Variants in TFAP2B observed in about 807,000 individuals in gnomAD.
TFAP2B encodes the protein transcription factor AP-2-beta.
Under a neutral mutation model 44.3 loss-of-function variants are expected in TFAP2B, and 9 were observed. That is an observed-to-expected ratio of 0.20 (90% CI 0.12 to 0.35). TFAP2B has a LOEUF of 0.35. Ranked by LOEUF, TFAP2B falls within the 10% of genes least tolerant of loss-of-function variation. The pLI is 1.00. For synonymous variants in TFAP2B, 270 were observed against 263.8 expected (o/e 1.02, Z -0.23); for missense variants, 509 against 600.0 (o/e 0.85, Z 1.59).
At chr6:50,825,495 C>G (rs1028394410) in intron 2 of TFAP2B, among the ~76,000 whole-genome samples, 22 of 151,952 alleles carry the variant, frequency 1.4e-4, no homozygotes, top group Non-Finnish European at 1.6e-4. Flanking sequence ...AAATTTTTCC[C>G]CCAAAAGAAG....
rs895726700 is a variant in TFAP2B at position 50,823,589 on chromosome 6, C to A, written c.264C>A (p.His88Gln). 4.3e-6 allele frequency: 7 copies of A among 1,613,964 alleles called. No homozygotes were observed. The African/African-American group carries it at 9.3e-5, about 22-fold the overall frequency. ...ACCAGAGCCAGGACCCCTACTCCCACGTCAACGACCCCTACTCCCTGAACC... is the reference window on the plus strand; with the variant it reads ...ACCAGAGCCAGGACCCCTACTCCCAAGTCAACGACCCCTACTCCCTGAACC... ...PYHQSQDPYS[H>Q]VNDPYSLNPL... is the part of the protein sequence containing the mutation. The change falls in exon 2 of 7, where the codon CAC becomes CAA. Residue 88 changes from histidine (H) to glutamine (Q), a missense_variant. Physicochemically the swap from His to Gln is conservative, Grantham distance 24. Transcript: ENST00000393655.
Position 50,820,522 on chromosome 6 carries a change from C to T in TFAP2B, c.81+1550C>T, listed in dbSNP as rs373155653. 1.9e-3 allele frequency among the ~76,000 whole-genome samples: 296 copies of T among 152,338 alleles called. 4 individuals are homozygous for T. Among genetic ancestry groups the T allele is most frequent in the East Asian group, 4.6e-3 (24 of 5,164 alleles). On this transcript the variant is annotated intron_variant, in intron 1 of 6. Coordinates refer to ENST00000393655, the MANE Select transcript of TFAP2B (RefSeq NM_003221.4). ...GAGAGCAGAGAGGAGAGAGATTGGT[C>T]TTGTTGCTGAATGATGCTTGGGGTT...
chr6:50,833,489 C>G (rs1257955241), intron 3 of TFAP2B, among the ~76,000 whole-genome samples: 1 of 152,036 alleles, frequency 6.6e-6, no homozygotes, highest in Non-Finnish European at 1.5e-5. Context: ...CAAAGCACAT[C>G]TTCTGACATT....
chr6:50,820,090 C>A (rs1365214305), intron 1 of TFAP2B, among the ~76,000 whole-genome samples: 1 of 152,026 alleles, frequency 6.6e-6, no homozygotes, highest in African/African-American at 2.4e-5. Context: ...TCGAGGCGGG[C>A]GAAGCGGGCC....
At chr6:50,823,926 G>T (rs1249357884) in intron 2 of TFAP2B, 61 bp downstream of exon 2, 3 of 1,506,766 alleles carry the variant, frequency 2.0e-6, no homozygotes, top group Non-Finnish European at 2.7e-6. Flanking sequence ...TGCTTCTGGA[G>T]GGGGGGAGGT....
intron 1 of TFAP2B, among the ~76,000 whole-genome samples, chr6:50,822,534 C>T (rs1290015075): frequency 6.6e-6 from 1 of 152,164 alleles, no homozygotes; most frequent in Admixed American, 6.5e-5. Flanking sequence ...TACACACCTC[C>T]CCCTTCTTCT....
In TFAP2B at chr6:50,828,652, C is replaced by T. The variant is rs369612680; in HGVS notation, c.574C>T (p.Leu192=). The change falls in exon 3 of 7, where the codon CTA becomes TTA. Residue 192 remains leucine, a synonymous_variant. Transcript: ENST00000393655. ...VEDANNSGMN[L]LDQSVIKKVP... The stretch of plus-strand genomic sequence containing the variant: ...AGATGCCAATAACAGCGGCATGAAT[C>T]TATTGGACCAGTCTGTCATTAAAAA... 7 of 1,613,928 alleles carry T rather than the reference C, an allele frequency of 4.3e-6. No individual in the cohort carries two copies. The African/African-American group carries it at 8.0e-5, about 18-fold the overall frequency.
At position 50,823,421 on chromosome 6, in the gene TFAP2B, T is replaced by C; in HGVS notation, c.96T>C (p.Gly32=). ...TCCGCTCCCAGGACCGGCACGATGGTGTCCCGAGCCACAGCTCGCGGCTCT... is the reference window on the plus strand; with the variant it reads ...TCCGCTCCCAGGACCGGCACGATGGCGTCCCGAGCCACAGCTCGCGGCTCT... ...YEDIYEDRHD[G]VPSHSSRLSQ... is the part of the protein sequence containing the mutation. Residue 32 remains glycine (G), a synonymous_variant, in exon 2 of 7, where the codon GGT becomes GGC. Transcript: ENST00000393655. 6.3e-7 allele frequency: 1 copy of C among 1,597,804 alleles called. No homozygotes were observed. Among genetic ancestry groups the C allele is most frequent in the Non-Finnish European group, 8.5e-7 (1 of 1,172,566 alleles).
chr6:50,835,975 T>C (rs1762612042), intron 3 of TFAP2B, 86 bp from the exon 4 acceptor site: 1 of 1,075,382 alleles, frequency 9.3e-7, no homozygotes, highest in South Asian at 1.2e-5. Context: ...GTCTGTCCTG[T>C]GGCCTCACAC....
chr6:50,840,717 T>C (rs1329156556), intron 6 of TFAP2B, among the ~76,000 whole-genome samples: 1 of 152,228 alleles, frequency 6.6e-6, no homozygotes, highest in East Asian at 1.9e-4. Context: ...CCCACAGCTC[T>C]AATTACTCCG....
At position 50,844,302 on chromosome 6, in the gene TFAP2B, A is replaced by ACACAC. The variant is rs1554165384; in HGVS notation, c.*910_*911insCACAC. The stretch of plus-strand genomic sequence containing the variant: ...TTATGAACTATAGTAAAAAAAAAAA[A>ACACAC]ACACACACACACACAATATGAATAC... On this transcript the variant is annotated 3_prime_UTR_variant, in exon 7 of 7. Transcript: ENST00000393655. 3 of 147,680 alleles carry ACACAC rather than the reference A, an allele frequency of 2.0e-5. No homozygotes were observed. The East Asian group carries it at 5.9e-4, about 29-fold the overall frequency. The allele number at this position is 147,680 out of a possible 1,614,324, so 9.1% of individuals were successfully genotyped here. A position where few individuals can be genotyped will look rare whatever the true frequency, so the allele number is the denominator to read the frequency against.
chr6:50,822,764 TTTAAG>T (rs1462036960), intron 1 of TFAP2B, among the ~76,000 whole-genome samples: 43 of 152,296 alleles, frequency 2.8e-4, no homozygotes, highest in African/African-American at 1.0e-3. Flanking sequence ...TGAAACACTA[TTTAAG>T]TTATTTAATT....
intron 5 of TFAP2B, 68 bp from the exon 6 acceptor site, chr6:50,840,088 G>C: frequency 4.4e-6 from 7 of 1,598,846 alleles, no homozygotes; most frequent in Admixed American, 1.7e-5. Flanking sequence ...GCTGACAAGG[G>C]AATGTCTCCG....
intron 3 of TFAP2B, 98 bp from the exon 4 acceptor site, chr6:50,835,963 G>A: frequency 1.0e-6 from 1 of 972,752 alleles, no homozygotes; most frequent in South Asian, 1.3e-5. Flanking sequence ...TTTCCACTTG[G>A]TGTCTGTCCT....
intron 1 of TFAP2B, among the ~76,000 whole-genome samples, chr6:50,819,402 T>C (rs1345028934): frequency 6.6e-6 from 1 of 151,990 alleles, no homozygotes; most frequent in Non-Finnish European, 1.5e-5. Flanking sequence ...GGCTTTTAAT[T>C]TTTATTTTCA....
chr6:50,839,815 A>G (rs146906973), intron 5 of TFAP2B, among the ~76,000 whole-genome samples: 1 of 152,324 alleles, frequency 6.6e-6, no homozygotes, highest in Non-Finnish European at 1.5e-5. Context: ...AAAAAGAAAG[A>G]GGAATCTGGC....
intron 1 of TFAP2B, among the ~76,000 whole-genome samples, chr6:50,819,912 G>A (rs1302709647): frequency 6.6e-6 from 1 of 152,016 alleles, no homozygotes; most frequent in African/African-American, 2.4e-5. Context: ...CGCGCGGCGG[G>A]CCAGGCTGGG....
chr6:50,843,560 CTG>C lies in TFAP2B; in HGVS notation c.*169_*170del, dbSNP rs1554165282. 5 of 741,888 alleles carry C rather than the reference CTG, an allele frequency of 6.7e-6. No homozygotes were observed. Among genetic ancestry groups the C allele is most frequent in the Non-Finnish European group, 1.1e-5 (5 of 470,112 alleles). The allele number at this position is 741,888 out of a possible 1,614,324, so 46.0% of individuals were successfully genotyped here. On this transcript the variant is annotated 3_prime_UTR_variant, in exon 7 of 7. Transcript: ENST00000393655. Reference sequence around the variant, plus strand: ...AAAAGCTAAATAACTTAAAAAAAAACTGAGGCGTACAACGGAGCAACAATATC... The same window carrying C: ...AAAAGCTAAATAACTTAAAAAAAAACAGGCGTACAACGGAGCAACAATATC...
At chr6:50,822,012 T>TTTTAG in intron 1 of TFAP2B, 1 of 391,736 alleles carries the variant, frequency 2.6e-6, no homozygotes, top group Non-Finnish European at 4.2e-6. Context: ...TTTTTTTTGA[T>TTTTAG]GGCTTGTCCT....
Sources: allele counts gnomAD v4.1 joint callset (sites outside exome capture counted in the v4.1 genomes callset), GRCh38; gene constraint gnomAD v4.1.1; transcripts MANE v1.5; gene names NCBI Gene and HGNC (gene_info 2026-07-23, HGNC 2026-07-21).